The following KCNH1 variants were observed in gnomAD, a reference collection of about 807,000 sequenced individuals.
KCNH1 encodes potassium voltage-gated channel subfamily H member 1.
In KCNH1, 27 loss-of-function variants were observed where a neutral mutation model predicts 69.2. That is an observed-to-expected ratio of 0.39 (90% confidence interval 0.29 to 0.54). The LOEUF (loss-of-function observed/expected upper bound fraction) is 0.54. Among genes scored for constraint, KCNH1 ranks in the 20% least tolerant of loss-of-function variants. KCNH1 has a pLI of 0.68. For missense variants in KCNH1, 798 were observed against 1,261.6 expected (o/e 0.63, Z 5.57); for synonymous variants, 456 against 487.7 (o/e 0.93, Z 0.86).
chr1:211,070,428 A>ACACACAC (rs1289542011), intron 5 of KCNH1, among the ~76,000 whole-genome samples: 7 of 114,178 alleles, frequency 6.1e-5, no homozygotes, highest in African/African-American at 1.9e-4. Context: ...TAAAAAAAAA[A>ACACACAC]AAACACACAC....
chr1:210,987,730 A>T (rs1201395409), intron 6 of KCNH1, among the ~76,000 whole-genome samples: 1 of 152,254 alleles, frequency 6.6e-6, no homozygotes, highest in East Asian at 1.9e-4. Context: ...CTCGGGGGTC[A>T]GTGACCCGCT....
At chr1:210,969,997 A>G (rs536341247) in intron 6 of KCNH1, among the ~76,000 whole-genome samples, 1 of 152,252 alleles carries the variant, frequency 6.6e-6, no homozygotes, top group Non-Finnish European at 1.5e-5. Flanking sequence ...CCCAGGCTCA[A>G]GTGATCCTCC....
intron 6 of KCNH1, among the ~76,000 whole-genome samples, chr1:211,007,252 C>T (rs544560020): frequency 1.6e-4 from 25 of 152,196 alleles, no homozygotes; most frequent in Non-Finnish European, 2.4e-4. Flanking sequence ...TGAATGATAA[C>T]GTAAGAAATC....
At chr1:210,968,771 C>T (rs1344963347) in intron 6 of KCNH1, among the ~76,000 whole-genome samples, 1 of 152,000 alleles carries the variant, frequency 6.6e-6, no homozygotes, top group Non-Finnish European at 1.5e-5. Context: ...GATATTAGCC[C>T]TTTGTCAGAC....
chr1:210,719,752 GTGGAA>G (rs1682408138), intron 10 of KCNH1, among the ~76,000 whole-genome samples: 2 of 152,048 alleles, frequency 1.3e-5, no homozygotes, highest in South Asian at 2.1e-4. Flanking sequence ...AACTCAATAT[GTGGAA>G]TAAGATGAAT....
intron 7 of KCNH1, among the ~76,000 whole-genome samples, chr1:210,888,609 A>G (rs908627500): frequency 2.0e-5 from 3 of 152,206 alleles, no homozygotes; most frequent in Admixed American, 6.5e-5. Context: ...AAAAAAATCA[A>G]TGAATCCAGG....
At chr1:211,082,755 A>T (rs1417261253) in intron 5 of KCNH1, 25 bp downstream of exon 5, 4 of 1,581,068 alleles carry the variant, frequency 2.5e-6, no homozygotes, top group Non-Finnish European at 3.5e-6. Context: ...GTGAGGCTCA[A>T]GATGAGCTAA....
chr1:210,991,570 A>G (rs1373453114), intron 6 of KCNH1, among the ~76,000 whole-genome samples: 2 of 151,266 alleles, frequency 1.3e-5, no homozygotes, highest in African/African-American at 2.4e-5. Context: ...TGTATTATAC[A>G]TCTCAAAATT....
intron 10 of KCNH1, among the ~76,000 whole-genome samples, chr1:210,732,131 C>G (rs759748810): frequency 7.9e-5 from 12 of 151,858 alleles, no homozygotes; most frequent in Non-Finnish European, 1.0e-4. Flanking sequence ...CCCCCACCAT[C>G]AGGTCACAGC....
chr1:211,031,615 T>C (rs1415675221), intron 5 of KCNH1, among the ~76,000 whole-genome samples: 2 of 152,000 alleles, frequency 1.3e-5, no homozygotes, highest in East Asian at 3.9e-4. Context: ...CATATGCAAA[T>C]CAATAAAAAT....
chr1:210,955,560 T>C (rs1009559179), intron 6 of KCNH1, among the ~76,000 whole-genome samples: 7 of 152,206 alleles, frequency 4.6e-5, no homozygotes, highest in Admixed American at 1.3e-4. Flanking sequence ...CATTTGTTTG[T>C]GTCCTCTTTT....
intron 10 of KCNH1, among the ~76,000 whole-genome samples, chr1:210,721,956 G>A (rs928521118): frequency 3.9e-5 from 6 of 152,162 alleles, no homozygotes; most frequent in African/African-American, 9.6e-5. Context: ...TGGACTCAGG[G>A]TCTGCTGAAG....
At chr1:211,031,853 G>C (rs1338730023) in intron 5 of KCNH1, among the ~76,000 whole-genome samples, 9 of 152,042 alleles carry the variant, frequency 5.9e-5, no homozygotes, top group Non-Finnish European at 1.2e-4. Context: ...ACTGGCGCAA[G>C]ACAGGGATGC....
chr1:210,755,041 T>G (rs937982351), intron 10 of KCNH1, among the ~76,000 whole-genome samples: 3 of 151,964 alleles, frequency 2.0e-5, no homozygotes, highest in African/African-American at 7.3e-5. Flanking sequence ...ACATTAGTAG[T>G]CGAAGCTCAT....
intron 7 of KCNH1, among the ~76,000 whole-genome samples, chr1:210,856,887 AT>A (rs1685858496): frequency 7.4e-6 from 1 of 134,544 alleles, no homozygotes; most frequent in Non-Finnish European, 1.6e-5. Flanking sequence ...CTATATATAT[AT>A]ATATATATAT....
chr1:210,748,686 C>G (rs1223559221), intron 10 of KCNH1, among the ~76,000 whole-genome samples: 6 of 152,178 alleles, frequency 3.9e-5, no homozygotes, highest in African/African-American at 1.4e-4. Flanking sequence ...CTCTCCTGGC[C>G]CATGCCAGGC....
chr1:210,917,311 G>A (rs1179837501), intron 7 of KCNH1, among the ~76,000 whole-genome samples: 1 of 151,498 alleles, frequency 6.6e-6, no homozygotes, highest in African/African-American at 2.4e-5. Context: ...CAGAGAGAGA[G>A]AGAGAAAGAA....
At chr1:210,733,949 T>TCACACA (rs142236390) in intron 10 of KCNH1, among the ~76,000 whole-genome samples, 194 of 80,490 alleles carry the variant, frequency 2.4e-3, no homozygotes, top group South Asian at 0.017. Context: ...TCTGTCTGTC[T>TCACACA]CACACACACA....
chr1:210,867,260 T>C (rs1269937413), intron 7 of KCNH1, among the ~76,000 whole-genome samples: 1 of 151,772 alleles, frequency 6.6e-6, no homozygotes, highest in Non-Finnish European at 1.5e-5. Context: ...ATGCAAATTG[T>C]ATGGTAGGTG....
Sources: allele counts gnomAD v4.1 joint callset (sites outside exome capture counted in the v4.1 genomes callset), GRCh38; gene constraint gnomAD v4.1.1; transcripts MANE v1.5; gene names NCBI Gene and HGNC (gene_info 2026-07-23, HGNC 2026-07-21).